BCR: variants seen among roughly 807,000 people sequenced by gnomAD.
BCR encodes BCR activator of RhoGEF and GTPase.
In BCR, 58 loss-of-function variants were observed where a neutral mutation model predicts 138.6. That is an observed-to-expected ratio of 0.42 (90% CI 0.34 to 0.52). The LOEUF is 0.52. BCR is among the 20% of genes least tolerant of loss of function. BCR has a pLI of 0.06. For synonymous variants in BCR, 786 were observed against 730.1 expected, an observed-to-expected ratio of 1.08 and a Z score of -1.23; for missense variants, 1,599 against 1,727.2, an observed-to-expected ratio of 0.93 and a Z score of 1.32.
chr22:23,270,916 C>G (rs1292819441), intron 5 of BCR, among the ~76,000 whole-genome samples: 1 of 152,252 alleles, frequency 6.6e-6, no homozygotes, highest in African/African-American at 2.4e-5. Flanking sequence ...AGTAAGTACA[C>G]TTGCAGATCC....
At chr22:23,223,377 TGTGG>T (rs2072850595) in intron 1 of BCR, among the ~76,000 whole-genome samples, 1 of 152,208 alleles carries the variant, frequency 6.6e-6, no homozygotes, top group Non-Finnish European at 1.5e-5. Flanking sequence ...TGTGCCTGTG[TGTGG>T]CCCATTGGGG....
At chr22:23,190,043 G>A (rs2072394487) in intron 1 of BCR, among the ~76,000 whole-genome samples, 3 of 152,214 alleles carry the variant, frequency 2.0e-5, no homozygotes, top group Non-Finnish European at 2.9e-5. Flanking sequence ...AGATCAAGGT[G>A]CCAGCAGGGT....
At chr22:23,221,728 A>G (rs1177036309) in intron 1 of BCR, among the ~76,000 whole-genome samples, 1 of 152,148 alleles carries the variant, frequency 6.6e-6, no homozygotes, top group Non-Finnish European at 1.5e-5. Flanking sequence ...CAGGCTCACT[A>G]GAGTTTCTGT....
chr22:23,286,652 G>A (rs1387348612), intron 10 of BCR, among the ~76,000 whole-genome samples: 1 of 152,154 alleles, frequency 6.6e-6, no homozygotes, highest in African/African-American at 2.4e-5. Context: ...CAGGGATAGT[G>A]GCTTCTAGAG....
intron 8 of BCR, among the ~76,000 whole-genome samples, chr22:23,281,572 AG>A (rs1447297139): frequency 6.6e-6 from 1 of 151,746 alleles, no homozygotes; most frequent in Non-Finnish European, 1.5e-5. Flanking sequence ...CTGGGAGGGC[AG>A]GCAGGGGCCG....
intron 22 of BCR, 60 bp from the exon 23 acceptor site, chr22:23,315,373 C>T (rs1374218585): frequency 1.4e-5 from 22 of 1,526,878 alleles, no homozygotes; most frequent in Non-Finnish European, 1.8e-5. Context: ...AAAGACCTCC[C>T]ACCAGCAGCT....
chr22:23,202,562 A>G (rs941213848), intron 1 of BCR, among the ~76,000 whole-genome samples: 2 of 152,092 alleles, frequency 1.3e-5, no homozygotes, highest in Non-Finnish European at 2.9e-5. Context: ...TCTACTTTCT[A>G]TCTCTAGGAA....
chr22:23,302,962 A>C (rs1002865604), intron 16 of BCR: 1 of 152,078 alleles, frequency 6.6e-6, no homozygotes, highest in Non-Finnish European at 1.5e-5. Context: ...AAGGATGAGA[A>C]CAGCAGCAAA....
chr22:23,307,104 G>A (rs1356968351), intron 16 of BCR, among the ~76,000 whole-genome samples: 2 of 152,206 alleles, frequency 1.3e-5, no homozygotes, highest in African/African-American at 2.4e-5. Flanking sequence ...TTACTTGGTT[G>A]GTTAGTAGAG....
In BCR at chr22:23,271,547, A is replaced by G; in HGVS notation, c.1876A>G (p.Ser626Gly). ...AEISENLRAR[S>G]NKDAKDPTTK... ...CTCTCTGCAGAACCTGAGAGCCAGA[A>G]GCAACAAAGATGCCAAGGATCCAAC... Residue 626 changes from serine to glycine, a missense_variant, in exon 6 of 23, where the codon AGC becomes GGC. By Grantham distance (56) the Ser-to-Gly change is moderately conservative. Transcript: ENST00000305877. The G allele has an allele frequency of 6.2e-7, 1 of 1,614,114 alleles. No homozygotes were observed. The highest frequency in any genetic ancestry group is 8.5e-7 in the Non-Finnish European group (1 of 1,180,012).
intron 1 of BCR, among the ~76,000 whole-genome samples, chr22:23,199,539 G>A (rs1163742855): frequency 6.6e-6 from 1 of 152,208 alleles, no homozygotes; most frequent in African/African-American, 2.4e-5. Context: ...GGGCAGCTGC[G>A]CCCCCAGAAA....
intron 16 of BCR, among the ~76,000 whole-genome samples, chr22:23,301,208 A>G (rs1016614942): frequency 2.0e-5 from 3 of 152,262 alleles, no homozygotes; most frequent in African/African-American, 7.2e-5. Flanking sequence ...CGGGAAGCCA[A>G]GGTAGGAGAA....
intron 9 of BCR, among the ~76,000 whole-genome samples, chr22:23,284,613 C>T (rs1355188081): frequency 6.6e-6 from 1 of 152,166 alleles, no homozygotes; most frequent in Non-Finnish European, 1.5e-5. Context: ...TGGGTTTAAT[C>T]AGTCAACTCA....
At chr22:23,309,852 G>A (rs753781996) in intron 17 of BCR, 19 of 346,400 alleles carry the variant, frequency 5.5e-5, no homozygotes, top group Middle Eastern at 8.5e-4. Context: ...AAAAAGGCCC[G>A]GGTATAAATG....
intron 1 of BCR, among the ~76,000 whole-genome samples, chr22:23,241,272 C>A (rs546395272): frequency 6.6e-6 from 1 of 152,336 alleles, no homozygotes; most frequent in East Asian, 1.9e-4. Flanking sequence ...CGTGGCTGGG[C>A]CCTGGCCCCG....
chr22:23,193,686 C>G (rs2146202564), intron 1 of BCR, among the ~76,000 whole-genome samples: 1 of 152,304 alleles, frequency 6.6e-6, no homozygotes. Flanking sequence ...TGCAAATTCC[C>G]CTTTTGGGGA....
chr22:23,264,376 T>A, intron 4 of BCR: 1 of 879,530 alleles, frequency 1.1e-6, no homozygotes, highest in Non-Finnish European at 1.9e-6. Flanking sequence ...GGGCCACCCC[T>A]GCCTGTGGGC....
At chr22:23,313,078 C>T in intron 20 of BCR, 57 bp downstream of exon 20, 4 of 1,533,692 alleles carry the variant, frequency 2.6e-6, no homozygotes, top group Non-Finnish European at 3.5e-6. Flanking sequence ...GCACTGCTGC[C>T]CTTGGAGGCT....
At chr22:23,282,634 G>A (rs1483345381) in intron 8 of BCR, among the ~76,000 whole-genome samples, 1 of 152,194 alleles carries the variant, frequency 6.6e-6, no homozygotes, top group East Asian at 1.9e-4. Flanking sequence ...GTGACAGCAG[G>A]GCAAGGTGCC....
Sources: allele counts gnomAD v4.1 joint callset (sites outside exome capture counted in the v4.1 genomes callset), GRCh38; gene constraint gnomAD v4.1.1; transcripts MANE v1.5; gene names NCBI Gene and HGNC (gene_info 2026-07-23, HGNC 2026-07-21).